ZNF407: variants seen among roughly 807,000 people sequenced by gnomAD.
ZNF407 encodes zinc finger protein 407.
In ZNF407, 17 loss-of-function variants were observed where a neutral mutation model predicts 131.2. The observed-to-expected ratio is 0.13, with a 90% CI of 0.09 to 0.19. ZNF407 has a LOEUF of 0.19. Among genes scored for constraint, ZNF407 ranks in the 10% least tolerant of loss-of-function variants. ZNF407 has a pLI of 1.00. For synonymous variants in ZNF407, 1,156 were observed against 1,062.0 expected (o/e 1.09, Z -1.72); for missense variants, 2,681 against 2,830.6 (o/e 0.95, Z 1.20).
rs571067380 is a variant in ZNF407 at position 75,051,936 on chromosome 18, A to G, written c.5429-11214A>G. On this transcript the variant is annotated intron_variant, in intron 8 of 8. Coordinates refer to ENST00000299687, the MANE Select transcript of ZNF407 (RefSeq NM_017757.3). ...ACACACAGCCAGCTGCCCATTTGAC[A>G]TAGTCCTGAACATAGTTTAGAAAGG... is the stretch of plus-strand genomic sequence containing the variant. Among the ~76,000 whole-genome samples the G allele has an allele frequency of 4.6e-5, 7 of 152,344 alleles. No individual in the cohort carries two copies. The East Asian group carries it at 1.2e-3, about 25-fold the overall frequency.
chr18:74,871,322 T>G (rs1046318923), intron 4 of ZNF407, among the ~76,000 whole-genome samples: 4 of 152,168 alleles, frequency 2.6e-5, no homozygotes, highest in African/African-American at 9.7e-5. Context: ...AATTATTAAA[T>G]TATTATCTTG....
intron 4 of ZNF407, among the ~76,000 whole-genome samples, chr18:74,853,879 G>A (rs72977435): frequency 0.084 from 12,822 of 152,172 alleles, 714 homozygotes; most frequent in Middle Eastern, 0.2. Flanking sequence ...GGATGCGAGC[G>A]GGGCTTAGAT....
At chr18:74,955,099 G>T (rs1226524985) in intron 8 of ZNF407, among the ~76,000 whole-genome samples, 3 of 152,184 alleles carry the variant, frequency 2.0e-5, no homozygotes, top group Non-Finnish European at 4.4e-5. Flanking sequence ...GAAGGAGTGA[G>T]TGAATCCAGT....
At chr18:74,755,111 C>T (rs961126005) in intron 3 of ZNF407, among the ~76,000 whole-genome samples, 3 of 152,130 alleles carry the variant, frequency 2.0e-5, no homozygotes, top group African/African-American at 7.2e-5. Context: ...TAATGGCCTT[C>T]TTTGTCTCTT....
intron 3 of ZNF407, among the ~76,000 whole-genome samples, chr18:74,734,412 T>G (rs998767725): frequency 6.6e-6 from 1 of 152,228 alleles, no homozygotes; most frequent in African/African-American, 2.4e-5. Flanking sequence ...TTTTGTTTTT[T>G]ATCATTCTTT....
intron 8 of ZNF407, among the ~76,000 whole-genome samples, chr18:74,957,864 G>C (rs948060809): frequency 1.3e-5 from 2 of 152,200 alleles, no homozygotes; most frequent in African/African-American, 4.8e-5. Context: ...CAGCCCTCCA[G>C]GGTAAGAGTA....
At chr18:74,747,627 T>C (rs959280629) in intron 3 of ZNF407, among the ~76,000 whole-genome samples, 1 of 152,142 alleles carries the variant, frequency 6.6e-6, no homozygotes, top group Non-Finnish European at 1.5e-5. Flanking sequence ...TATGTCATCT[T>C]TGAATATTAC....
Position 74,631,895 on chromosome 18 carries a change from A to T in ZNF407, c.876A>T (p.Lys292Asn), listed in dbSNP as rs1216837122. 1 of 1,613,872 alleles carries T rather than the reference A, an allele frequency of 6.2e-7. No homozygotes were observed. Residue 292 changes from lysine to asparagine, a missense_variant, in exon 2 of 9, where the codon AAA becomes AAT. By Grantham distance (94) the Lys-to-Asn change is moderately conservative. Transcript: ENST00000299687. ...TAACAAAACAACCTTTTCCTAAAAA[A>T]TCACGTACAATGGCAACAAAAAATG... is the stretch of plus-strand genomic sequence containing the variant. The part of the protein sequence containing the change: ...QILTKQPFPK[K>N]SRTMATKNVH...
At chr18:74,779,088 C>CGCATATATATAT (rs761762103) in intron 3 of ZNF407, among the ~76,000 whole-genome samples, 3 of 19,206 alleles carry the variant, frequency 1.6e-4, no homozygotes, top group African/African-American at 3.0e-4. Context: ...TCATGCTTGG[C>CGCATATATATAT]ATATATATAT....
chr18:74,926,421 G>A (rs1223287713), intron 8 of ZNF407, among the ~76,000 whole-genome samples: 1 of 152,206 alleles, frequency 6.6e-6, no homozygotes, highest in Non-Finnish European at 1.5e-5. Context: ...TTACTGAGAA[G>A]CAGATCTTTG....
At chr18:75,006,610 C>A (rs1246175062) in intron 8 of ZNF407, among the ~76,000 whole-genome samples, 1 of 152,126 alleles carries the variant, frequency 6.6e-6, no homozygotes, top group Non-Finnish European at 1.5e-5. Flanking sequence ...TGCACTGTAG[C>A]CACAGAAGGC....
At chr18:74,891,269 A>G (rs1327946897) in intron 7 of ZNF407, among the ~76,000 whole-genome samples, 1 of 152,196 alleles carries the variant, frequency 6.6e-6, no homozygotes, top group Non-Finnish European at 1.5e-5. Flanking sequence ...CCTGATCTCA[A>G]GGGTGAGAGC....
intron 8 of ZNF407, among the ~76,000 whole-genome samples, chr18:74,993,897 C>G (rs929008936): frequency 1.3e-5 from 2 of 152,104 alleles, no homozygotes; most frequent in African/African-American, 4.8e-5. Flanking sequence ...AAATGACTGG[C>G]GTGTATTTTA....
intron 8 of ZNF407, among the ~76,000 whole-genome samples, chr18:74,949,951 A>AC (rs1599259551): frequency 6.6e-6 from 1 of 152,104 alleles, no homozygotes; most frequent in Non-Finnish European, 1.5e-5. Context: ...ATTCTTTTTA[A>AC]CCCCCCACTG....
intron 8 of ZNF407, among the ~76,000 whole-genome samples, chr18:75,010,825 T>C (rs139021586): frequency 0.011 from 1,607 of 152,284 alleles, 27 homozygotes; most frequent in African/African-American, 0.036. Context: ...AATGAATGTT[T>C]TCCTAAAGGA....
At chr18:74,704,290 C>T (rs1263829561) in intron 3 of ZNF407, among the ~76,000 whole-genome samples, 1 of 152,196 alleles carries the variant, frequency 6.6e-6, no homozygotes, top group Non-Finnish European at 1.5e-5. Context: ...GGACATGGTG[C>T]AGGCTACATC....
chr18:74,627,133 T>G (rs868741486), intron 1 of ZNF407, among the ~76,000 whole-genome samples: 12 of 152,240 alleles, frequency 7.9e-5, no homozygotes, highest in Non-Finnish European at 5.9e-5. Context: ...CTTGCACTGT[T>G]GCTTCGTAGG....
At chr18:74,929,077 G>A (rs1163251082) in intron 8 of ZNF407, among the ~76,000 whole-genome samples, 2 of 152,088 alleles carry the variant, frequency 1.3e-5, no homozygotes, top group Admixed American at 6.5e-5. Flanking sequence ...AAGATTGGCC[G>A]AACTGGCTCT....
intron 7 of ZNF407, among the ~76,000 whole-genome samples, chr18:74,896,698 C>T (rs564794754): frequency 6.6e-6 from 1 of 152,228 alleles, no homozygotes; most frequent in South Asian, 2.1e-4. Flanking sequence ...CACTTTATAC[C>T]GGTGTACTCC....
Sources: allele counts gnomAD v4.1 joint callset (sites outside exome capture counted in the v4.1 genomes callset), GRCh38; gene constraint gnomAD v4.1.1; transcripts MANE v1.5; gene names NCBI Gene and HGNC (gene_info 2026-07-23, HGNC 2026-07-21).